Variants in CLSTN2 observed in about 807,000 individuals in gnomAD.
CLSTN2 encodes the protein calsyntenin-2.
A neutral mutation model predicts 101.2 loss-of-function variants in CLSTN2; 48 were observed. The ratio of observed to expected loss-of-function variants is 0.47; its 90% confidence interval spans 0.38 to 0.60. The LOEUF is 0.60. Ranked by LOEUF, CLSTN2 falls within the 20% of genes least tolerant of loss-of-function variation. The pLI is 0.00. For missense variants in CLSTN2, 1,160 were observed against 1,238.2 expected, an observed-to-expected ratio of 0.94 and a Z score of 0.95; for synonymous variants, 481 against 463.6, an observed-to-expected ratio of 1.04 and a Z score of -0.48.
chr3:140,050,312 A>G (rs1434264996), intron 1 of CLSTN2, among the ~76,000 whole-genome samples: 1 of 152,224 alleles, frequency 6.6e-6, no homozygotes, highest in Non-Finnish European at 1.5e-5. Flanking sequence ...ATGAGAGACC[A>G]TTGGAGAAAG....
intron 1 of CLSTN2, among the ~76,000 whole-genome samples, chr3:140,044,557 C>T (rs2007829466): frequency 6.6e-6 from 1 of 152,144 alleles, no homozygotes; most frequent in African/African-American, 2.4e-5. Flanking sequence ...CCAGAACTTC[C>T]AACACTATGT....
chr3:140,375,403 G>T (rs2087905640), intron 2 of CLSTN2, among the ~76,000 whole-genome samples: 1 of 152,200 alleles, frequency 6.6e-6, no homozygotes, highest in Admixed American at 6.5e-5. Flanking sequence ...TGCACCTGTG[G>T]TGACTGACAT....
intron 1 of CLSTN2, among the ~76,000 whole-genome samples, chr3:140,175,047 A>G (rs1294540298): frequency 6.6e-6 from 1 of 152,204 alleles, no homozygotes; most frequent in Non-Finnish European, 1.5e-5. Flanking sequence ...TTCTCTCAGT[A>G]TACATATTTC....
At chr3:139,994,800 T>A (rs1936174941) in intron 1 of CLSTN2, among the ~76,000 whole-genome samples, 1 of 152,226 alleles carries the variant, frequency 6.6e-6, no homozygotes, top group South Asian at 2.1e-4. Flanking sequence ...CTATGCCTCA[T>A]ATACTGCTAG....
chr3:140,222,248 T>C (rs751103075), intron 2 of CLSTN2, among the ~76,000 whole-genome samples: 25 of 152,136 alleles, frequency 1.6e-4, no homozygotes, highest in Non-Finnish European at 2.4e-4. Flanking sequence ...TTCTCACTTA[T>C]TAGTAAGAGC....
At chr3:139,949,332 G>A (rs1289769857) in intron 1 of CLSTN2, among the ~76,000 whole-genome samples, 2 of 152,204 alleles carry the variant, frequency 1.3e-5, no homozygotes, top group Admixed American at 6.5e-5. Flanking sequence ...GTGGGGGAAT[G>A]TAAGGCTGGT....
intron 1 of CLSTN2, among the ~76,000 whole-genome samples, chr3:140,123,578 G>A (rs976050904): frequency 2.0e-5 from 3 of 152,114 alleles, no homozygotes; most frequent in African/African-American, 4.8e-5. Flanking sequence ...CTAATGGGGT[G>A]TCTTAGTCAG....
intron 1 of CLSTN2, among the ~76,000 whole-genome samples, chr3:140,146,985 C>A (rs2009789969): frequency 6.6e-6 from 1 of 152,118 alleles, no homozygotes; most frequent in Non-Finnish European, 1.5e-5. Context: ...CCAGCTGGCA[C>A]CATGAAAGGA....
intron 2 of CLSTN2, among the ~76,000 whole-genome samples, chr3:140,253,112 A>G (rs573409492): frequency 2.6e-5 from 4 of 152,312 alleles, no homozygotes; most frequent in African/African-American, 9.6e-5. Context: ...GACCAGGTAC[A>G]CCAGGCAAAA....
Position 140,403,852 on chromosome 3 carries a change from CG to C in CLSTN2, c.428+29del, listed in dbSNP as rs762597835. 73 of 1,571,812 alleles carry C rather than the reference CG, an allele frequency of 4.6e-5. 1 individual carries two copies. The highest frequency in any genetic ancestry group is 7.8e-6 in the Non-Finnish European group (9 of 1,152,356). On this transcript the variant is annotated intron_variant, in intron 3 of 16. Transcript: ENST00000458420. ...GAGTGGCCTGACAGAGCCCTCTGGACGCCCCTCCCTCCCGTGCCCACCCCAC... is the reference window on the plus strand; with the variant it reads ...GAGTGGCCTGACAGAGCCCTCTGGACCCCCTCCCTCCCGTGCCCACCCCAC...
At chr3:140,250,168 C>T (rs2086550072) in intron 2 of CLSTN2, among the ~76,000 whole-genome samples, 1 of 152,184 alleles carries the variant, frequency 6.6e-6, no homozygotes, top group African/African-American at 2.4e-5. Context: ...TATTCAGCAA[C>T]CAAACTTTTT....
At chr3:140,530,804 G>A (rs990766489) in intron 8 of CLSTN2, among the ~76,000 whole-genome samples, 1 of 152,160 alleles carries the variant, frequency 6.6e-6, no homozygotes, top group East Asian at 1.9e-4. Context: ...TATGGTCAGG[G>A]TTACCTCACT....
intron 1 of CLSTN2, among the ~76,000 whole-genome samples, chr3:140,088,252 A>G (rs888974563): frequency 2.6e-5 from 4 of 152,216 alleles, no homozygotes; most frequent in Non-Finnish European, 5.9e-5. Context: ...TTTTCTATTA[A>G]CAGTAGAAGA....
chr3:140,436,572 A>G (rs1462414926), intron 5 of CLSTN2, among the ~76,000 whole-genome samples: 1 of 152,174 alleles, frequency 6.6e-6, no homozygotes. Flanking sequence ...CCCACCTTCC[A>G]TGGATCCCAG....
intron 1 of CLSTN2, among the ~76,000 whole-genome samples, chr3:139,952,405 A>G (rs1179956826): frequency 6.6e-6 from 1 of 151,936 alleles, no homozygotes; most frequent in African/African-American, 2.4e-5. Flanking sequence ...CCTCATGCCC[A>G]CTCTTCTGAC....
intron 2 of CLSTN2, among the ~76,000 whole-genome samples, chr3:140,217,699 C>T (rs923098603): frequency 2.0e-5 from 3 of 152,188 alleles, no homozygotes; most frequent in African/African-American, 7.2e-5. Context: ...TTCTAATAAC[C>T]TTCCCTTCCC....
In CLSTN2 at chr3:140,383,406, A is replaced by C. The variant is rs568268118; in HGVS notation, c.233-20223A>C. Among the ~76,000 whole-genome samples, 130 of 152,338 alleles carry C rather than the reference A, an allele frequency of 8.5e-4. 1 individual carries two copies. Among genetic ancestry groups the C allele is most frequent in the African/African-American group, 2.9e-3 (122 of 41,588 alleles). On this transcript the variant is annotated intron_variant, in intron 2 of 16. Coordinates refer to ENST00000458420, the MANE Select transcript of CLSTN2 (RefSeq NM_022131.3). ...GAGAAGGGCAAGTGAGGAAAGATTT[A>C]AGTGATTGAATTCTAAGCTTATCGT...
At chr3:139,986,367 C>T (rs565755535) in intron 1 of CLSTN2, among the ~76,000 whole-genome samples, 1 of 152,220 alleles carries the variant, frequency 6.6e-6, no homozygotes, top group Admixed American at 6.5e-5. Context: ...TCAATCTCCT[C>T]CCCAGCCCTT....
intron 2 of CLSTN2, among the ~76,000 whole-genome samples, chr3:140,252,634 C>T (rs1472969932): frequency 2.0e-5 from 3 of 152,148 alleles, no homozygotes; most frequent in Admixed American, 1.3e-4. Context: ...AAATGTTATG[C>T]ATGTTGACAA....
Sources: gnomAD v4.1 joint callset for allele counts (sites outside exome capture counted in the v4.1 genomes callset) on GRCh38, gnomAD v4.1.1 for gene constraint, MANE v1.5 for transcripts, NCBI Gene and HGNC (gene_info 2026-07-23, HGNC 2026-07-21) for gene names.